The following SCN7A variants were observed in gnomAD, a reference collection of about 807,000 sequenced individuals.
The protein encoded by SCN7A is sodium voltage-gated channel alpha subunit 7, also known as sodium channel protein type 7 subunit alpha.
In SCN7A, 138 loss-of-function variants were observed where a neutral mutation model predicts 155.2. The observed-to-expected ratio is 0.89, with a 90% confidence interval of 0.77 to 1.02. SCN7A has a LOEUF of 1.02. SCN7A is among the 50% of genes least tolerant of loss of function. The probability of loss-of-function intolerance (pLI) is 0.00; values close to 1 mark genes in which losing one functional copy is unlikely to be tolerated. For synonymous variants in SCN7A, 693 were observed against 649.0 expected, an observed-to-expected ratio of 1.07 and a Z score of -1.03; for missense variants, 2,058 against 1,986.6, an observed-to-expected ratio of 1.04 and a Z score of -0.68.
intron 3 of SCN7A, among the ~76,000 whole-genome samples, chr2:166,476,493 G>C (rs1702800683): frequency 6.6e-6 from 1 of 151,962 alleles, no homozygotes; most frequent in Non-Finnish European, 1.5e-5. Flanking sequence ...TTTTTAGTCA[G>C]TCAGGTCATG....
rs1471095440 is a variant in SCN7A, at chr2:166,404,916, T to G, written c.*664A>C. On this transcript the variant is annotated 3_prime_UTR_variant, in exon 26 of 26. Coordinates refer to ENST00000643258, the MANE Select transcript of SCN7A (RefSeq NM_002976.4). The stretch of plus-strand genomic sequence containing the variant: ...TTAAGAGCCAGAGCTTAGGTGAAAC[T>G]ATCCAGAGATGAGAAACCAGGAGCT... 1 of 149,668 alleles carries G rather than the reference T, an allele frequency of 6.7e-6. No homozygotes were observed. The highest frequency in any genetic ancestry group is 1.5e-5 in the Non-Finnish European group (1 of 67,388). The allele number at this position is 149,668 out of a possible 1,614,324, so 9.3% of individuals were successfully genotyped here.
rs866425727 is a variant in SCN7A, at chr2:166,414,285, T to C, written c.3415-1164A>G. ...ATATACACACACATATATATATATATACACACACATATATATATATATATA... is the reference window on the plus strand; with the variant it reads ...ATATACACACACATATATATATATACACACACACATATATATATATATATA... On this transcript the variant is annotated intron_variant, in intron 21 of 25. Coordinates refer to ENST00000643258, the MANE Select transcript of SCN7A (RefSeq NM_002976.4). 1.7e-3 allele frequency among the ~76,000 whole-genome samples: 44 copies of C among 26,120 alleles called. 1 individual carries two copies. Among genetic ancestry groups the C allele is most frequent in the Middle Eastern group, 0.031 (1 of 32 alleles). The allele number at this position is 26,120 out of a possible 152,430, so 17.1% of individuals were successfully genotyped here.
chr2:166,468,570 A>T (rs937422362), intron 7 of SCN7A, among the ~76,000 whole-genome samples: 3 of 152,048 alleles, frequency 2.0e-5, no homozygotes, highest in Non-Finnish European at 2.9e-5. Flanking sequence ...TCTGTTTTGC[A>T]ACTCACTAAC....
chr2:166,408,471 A>G (rs1267364426), intron 25 of SCN7A, among the ~76,000 whole-genome samples: 2 of 151,988 alleles, frequency 1.3e-5, no homozygotes, highest in Non-Finnish European at 1.5e-5. Context: ...TGAAACTGCA[A>G]ATTCAAACTG....
chr2:166,455,455 A>T (rs1011030105), intron 11 of SCN7A, among the ~76,000 whole-genome samples: 1 of 152,136 alleles, frequency 6.6e-6, no homozygotes, highest in Non-Finnish European at 1.5e-5. Flanking sequence ...AGAAAACTAA[A>T]TACTGCATGT....
intron 21 of SCN7A, among the ~76,000 whole-genome samples, chr2:166,414,210 G>GTAAATATATATAAATATATATATC (rs1701292306): frequency 1.3e-5 from 1 of 78,958 alleles, no homozygotes; most frequent in Non-Finnish European, 2.3e-5. Context: ...TTATATATAT[G>GTAAATATATATAAATATATATATC]TAAATATATA....
At chr2:166,488,848 G>C (rs1434971610) in intron 1 of SCN7A, among the ~76,000 whole-genome samples, 2 of 151,956 alleles carry the variant, frequency 1.3e-5, no homozygotes. Context: ...ATGTTGGCCA[G>C]GCTGGTTTCA....
At chr2:166,443,273 T>C (rs1039741251) in intron 14 of SCN7A, among the ~76,000 whole-genome samples, 2 of 152,210 alleles carry the variant, frequency 1.3e-5, no homozygotes, top group Non-Finnish European at 2.9e-5. Flanking sequence ...CCTAAAACTG[T>C]ATCTCAAATT....
Position 166,412,684 on chromosome 2 carries a change from A to G in SCN7A, c.3469-17T>C, listed in dbSNP as rs1384852697. 2 of 1,477,182 alleles carry G rather than the reference A, an allele frequency of 1.4e-6. No homozygotes were observed. Among genetic ancestry groups the G allele is most frequent in the Non-Finnish European group, 1.8e-6 (2 of 1,120,984 alleles). 91.5% of individuals were successfully genotyped at this position (1,477,182 alleles called of 1,614,324 possible). A position where few individuals can be genotyped will look rare whatever the true frequency, so the allele number is the denominator to read the frequency against. On this transcript the variant is annotated splice_polypyrimidine_tract_variant and intron_variant, in intron 22 of 25. Transcript: ENST00000643258. ...TATATTAACCTAGAAGTTTAAAATA[A>G]GCAAATTATTGATATTGGCTTTTTA...
At chr2:166,431,502 T>G (rs1285549656) in intron 16 of SCN7A, among the ~76,000 whole-genome samples, 1 of 152,028 alleles carries the variant, frequency 6.6e-6, no homozygotes, top group East Asian at 1.9e-4. Context: ...CTGAAATGAT[T>G]CCCTAGTGGG....
chr2:166,447,791 A>C, intron 11 of SCN7A, 83 bp from the exon 12 acceptor site: 1 of 875,082 alleles, frequency 1.1e-6, no homozygotes, highest in Non-Finnish European at 1.8e-6. Flanking sequence ...CCTTGCTAAA[A>C]ATGCCACTTA....
At chr2:166,463,852 T>C (rs1702465848) in intron 9 of SCN7A, among the ~76,000 whole-genome samples, 1 of 151,570 alleles carries the variant, frequency 6.6e-6, no homozygotes, top group Non-Finnish European at 1.5e-5. Context: ...GCCCAAGAGG[T>C]CAAGACTAGC....
chr2:166,456,761 A>G lies in SCN7A; in HGVS notation c.1290+109T>C. On this transcript the variant is annotated intron_variant, in intron 11 of 25. Coordinates refer to ENST00000643258, the MANE Select transcript of SCN7A (RefSeq NM_002976.4). ...GAACTGTCTTAACAGAGCCTAAGCC[A>G]TAGAATCATGAGCAAATAAATGATT... 3.8e-6 allele frequency: 2 copies of G among 530,566 alleles called. 1 individual carries two copies. The highest frequency in any genetic ancestry group is 7.5e-5 in the Admixed American group (2 of 26,666). 32.9% of individuals were successfully genotyped at this position (530,566 alleles called of 1,614,324 possible). A position where few individuals can be genotyped will look rare whatever the true frequency, so the allele number is the denominator to read the frequency against.
intron 23 of SCN7A, among the ~76,000 whole-genome samples, chr2:166,411,111 A>T (rs77695309): frequency 0.026 from 4,031 of 152,140 alleles, 85 homozygotes; most frequent in Non-Finnish European, 0.043. Flanking sequence ...GTGGAGACTC[A>T]AGAGTGATTG....
At position 166,482,792 on chromosome 2, in the gene SCN7A, A is replaced by G. The variant is rs538786039; in HGVS notation, c.-15+4064T>C. ...AAAAAAAAAATGCAAGCACTTATCAAATAGAAGTGGCATGCATCTGACTTC... is the reference window on the plus strand; with the variant it reads ...AAAAAAAAAATGCAAGCACTTATCAGATAGAAGTGGCATGCATCTGACTTC... On this transcript the variant is annotated intron_variant, in intron 2 of 25. Transcript: ENST00000643258. Among the ~76,000 whole-genome samples the G allele has an allele frequency of 3.9e-5, 6 of 152,134 alleles. No individual in the cohort carries two copies. In the East Asian group the frequency reaches 9.7e-4, roughly 24 times the overall value.
rs1316940647 is a variant in SCN7A, at chr2:166,417,806, G to A, written c.3136-821C>T. Among the ~76,000 whole-genome samples, 10 of 151,690 alleles carry A rather than the reference G, an allele frequency of 6.6e-5. No individual in the cohort carries two copies. The South Asian group carries it at 1.5e-3, about 22-fold the overall frequency. The stretch of plus-strand genomic sequence containing the variant: ...AAGCCAAGAGAAGAGATTGCTTCAG[G>A]AAATTAAATGGGTTGCTGTACGTCA... On this transcript the variant is annotated intron_variant, in intron 20 of 25. Coordinates refer to ENST00000643258, the MANE Select transcript of SCN7A (RefSeq NM_002976.4).
chr2:166,421,326 AT>A, intron 19 of SCN7A, 29 bp from the exon 20 acceptor site: 2 of 1,197,846 alleles, frequency 1.7e-6, no homozygotes, highest in Non-Finnish European at 1.2e-6. Context: ...AAAAGAGTGA[AT>A]AGGATTCCAT....
chr2:166,424,996 C>A (rs759827446), intron 18 of SCN7A, among the ~76,000 whole-genome samples: 4 of 152,082 alleles, frequency 2.6e-5, no homozygotes, highest in Non-Finnish European at 5.9e-5. Flanking sequence ...ACAAGAGCCA[C>A]CCCGCCTGAG....
chr2:166,414,462 G>GATATATATATATATATAT (rs373659814), intron 21 of SCN7A: 27 of 118,176 alleles, frequency 2.3e-4, no homozygotes, highest in African/African-American at 8.2e-4. Flanking sequence ...GAACTAATAG[G>GATATATATATATATATAT]ATATATATAT....
Sources: gnomAD v4.1 joint callset for allele counts (sites outside exome capture counted in the v4.1 genomes callset) on GRCh38, gnomAD v4.1.1 for gene constraint, MANE v1.5 for transcripts, NCBI Gene and HGNC (gene_info 2026-07-23, HGNC 2026-07-21) for gene names.